CWH43: variants seen among roughly 807,000 people sequenced by gnomAD.
The protein encoded by CWH43 is PGAP2-interacting protein.
A neutral mutation model predicts 85.7 loss-of-function variants in CWH43; 91 were observed. That is an observed-to-expected ratio of 1.06 (90% CI 0.90 to 1.26). The LOEUF is 1.26. CWH43 is among the 50% of genes most tolerant of loss of function. The probability of loss-of-function intolerance (pLI) is 0.00; values close to 1 mark genes in which losing one functional copy is unlikely to be tolerated. For missense variants in CWH43, 869 were observed against 839.2 expected (o/e 1.04, Z -0.44); for synonymous variants, 323 against 293.6 (o/e 1.10, Z -1.02).
chr4:49,023,670 C>T (rs915398055), intron 9 of CWH43, among the ~76,000 whole-genome samples: 1 of 152,206 alleles, frequency 6.6e-6, no homozygotes, highest in African/African-American at 2.4e-5. Context: ...AGCCACTGCA[C>T]CCGGTTGATT....
At chr4:48,987,984 A>G (rs1011345433) in intron 1 of CWH43, among the ~76,000 whole-genome samples, 4 of 152,180 alleles carry the variant, frequency 2.6e-5, no homozygotes, top group Admixed American at 1.3e-4. Context: ...ACGGGATGCC[A>G]AATTCAACTC....
intron 15 of CWH43, 125 bp from the exon 16 acceptor site, chr4:49,061,687 T>G: frequency 1.2e-6 from 1 of 848,618 alleles, no homozygotes. Context: ...CTTTCCTATA[T>G]GCATGAATCT....
intron 9 of CWH43, among the ~76,000 whole-genome samples, chr4:49,019,080 C>G (rs1445666740): frequency 6.6e-6 from 1 of 152,132 alleles, no homozygotes; most frequent in East Asian, 1.9e-4. Flanking sequence ...CTAATGATTA[C>G]CAAATGTTTC....
intron 14 of CWH43, among the ~76,000 whole-genome samples, chr4:49,049,624 T>C (rs1784735860): frequency 6.6e-6 from 1 of 152,102 alleles, no homozygotes. Context: ...TCTTATGCAC[T>C]TCACTCCGGT....
rs372335785 is a variant in CWH43 at position 49,051,782 on chromosome 4, G to A, written c.2021+933G>A. ...AGTAAAGACAGGGTTTCACTATATT[G>A]GTCAGGCTGGTCTCGAAAGCCTGAC... is the stretch of plus-strand genomic sequence containing the variant. On this transcript the variant is annotated intron_variant, in intron 15 of 15. Transcript: ENST00000226432. 1.4e-4 allele frequency among the ~76,000 whole-genome samples: 22 copies of A among 152,158 alleles called. 1 individual carries two copies. In the East Asian group the frequency reaches 2.5e-3, roughly 17 times the overall value.
At chr4:49,050,880 T>C in intron 15 of CWH43, 31 bp downstream of exon 15, 1 of 1,538,248 alleles carries the variant, frequency 6.5e-7, no homozygotes, top group South Asian at 1.2e-5. Flanking sequence ...GTTCCAGTTA[T>C]GAGCTACTGC....
chr4:48,993,354 C>T (rs1015015008), intron 4 of CWH43, among the ~76,000 whole-genome samples: 1 of 152,168 alleles, frequency 6.6e-6, no homozygotes, highest in Non-Finnish European at 1.5e-5. Flanking sequence ...AGACCCCTGG[C>T]CTCCCTTCTG....
At chr4:48,998,082 T>C (rs1399307156) in intron 5 of CWH43, among the ~76,000 whole-genome samples, 1 of 152,150 alleles carries the variant, frequency 6.6e-6, no homozygotes, top group South Asian at 2.1e-4. Flanking sequence ...AAGAGCAGTA[T>C]TGAGGTAGAG....
At chr4:49,005,110 T>C (rs1783114078) in intron 7 of CWH43, among the ~76,000 whole-genome samples, 1 of 152,204 alleles carries the variant, frequency 6.6e-6, no homozygotes, top group Non-Finnish European at 1.5e-5. Flanking sequence ...ATTAAAAATA[T>C]TAACACGATT....
chr4:49,006,488 A>G (rs1783161558), intron 7 of CWH43, among the ~76,000 whole-genome samples: 1 of 152,140 alleles, frequency 6.6e-6, no homozygotes, highest in Non-Finnish European at 1.5e-5. Context: ...TCCTCCTGCT[A>G]TTTCCTGGAA....
intron 14 of CWH43, among the ~76,000 whole-genome samples, chr4:49,046,973 C>G (rs1390044667): frequency 6.6e-6 from 1 of 152,132 alleles, no homozygotes; most frequent in African/African-American, 2.4e-5. Flanking sequence ...GTGGGGAGCC[C>G]TGGTGTGGGC....
chr4:49,044,245 C>T (rs551174175), intron 13 of CWH43, among the ~76,000 whole-genome samples: 68 of 152,262 alleles, frequency 4.5e-4, no homozygotes, highest in African/African-American at 1.6e-3. Context: ...TGATTGCTCC[C>T]CAGATGTTCT....
At position 49,044,739 on chromosome 4, in the gene CWH43, G is replaced by A. The variant is rs548695814; in HGVS notation, c.1804-47G>A. ...ACATTTTTTGGCAATGTGGAATAGA[G>A]CTTTGCTTTTTATGCTTTAAACATT... is the stretch of plus-strand genomic sequence containing the variant. On this transcript the variant is annotated intron_variant, in intron 13 of 15. Transcript: ENST00000226432. The A allele has an allele frequency of 4.7e-5, 71 of 1,512,146 alleles. 1 individual carries two copies. In the South Asian group the frequency reaches 7.3e-4, roughly 16 times the overall value. The allele number at this position is 1,512,146 out of a possible 1,614,324, so 93.7% of individuals were successfully genotyped here.
At chr4:49,006,612 A>T (rs1050630689) in intron 7 of CWH43, among the ~76,000 whole-genome samples, 5 of 152,064 alleles carry the variant, frequency 3.3e-5, no homozygotes, top group African/African-American at 4.8e-5. Flanking sequence ...CTTAGTATGT[A>T]TGGTTTTAGA....
At chr4:49,044,132 A>G (rs2109829540) in intron 13 of CWH43, among the ~76,000 whole-genome samples, 1 of 152,298 alleles carries the variant, frequency 6.6e-6, no homozygotes, top group Middle Eastern at 3.4e-3. Flanking sequence ...AACACCTCAT[A>G]TTTATAGTTT....
chr4:49,007,839 T>C (rs1371036066), intron 8 of CWH43, among the ~76,000 whole-genome samples: 10 of 152,234 alleles, frequency 6.6e-5, no homozygotes, highest in Non-Finnish European at 1.3e-4. Flanking sequence ...CCATGGTGTA[T>C]ATGTGCCACA....
rs200892091 is a variant in CWH43 at position 49,050,733 on chromosome 4, T to A, written c.1905T>A (p.Asp635Glu). 1 of 1,613,234 alleles carries A rather than the reference T, an allele frequency of 6.2e-7. No homozygotes were observed. The highest frequency in any genetic ancestry group is 1.7e-5 in the Admixed American group (1 of 59,978). The change falls in exon 15 of 16, where the codon GAT (aspartate) becomes GAA (glutamate). Residue 635 changes from aspartate to glutamate, a missense_variant. Physicochemically the swap from Asp to Glu is conservative, Grantham distance 45 (BLOSUM62 2). This residue lies in a region of CWH43 where 577 missense variants were observed against 513.1 expected (regional missense o/e 1.12). Transcript: ENST00000226432. ...GAATCTCCCATGCTGAACTGAGTGATTCAGAAATTCAGATGGCAAAATTTA... is the reference window on the plus strand; with the variant it reads ...GAATCTCCCATGCTGAACTGAGTGAATCAGAAATTCAGATGGCAAAATTTA... ...YARISHAELS[D>E]SEIQMAKFRI...
chr4:49,012,683 T>C (rs531134281), intron 8 of CWH43, among the ~76,000 whole-genome samples: 1 of 152,346 alleles, frequency 6.6e-6, no homozygotes, highest in East Asian at 1.9e-4. Context: ...TTGTTGATGC[T>C]GATGCTATTC....
At chr4:49,003,473 C>A (rs1005371896) in intron 6 of CWH43, 3 of 401,248 alleles carry the variant, frequency 7.5e-6, no homozygotes, top group African/African-American at 4.1e-5. Flanking sequence ...CTAAAAATAC[C>A]CTTTTCACTC....
Sources: allele counts gnomAD v4.1 joint callset (sites outside exome capture counted in the v4.1 genomes callset), GRCh38; gene constraint gnomAD v4.1.1; regional missense constraint gnomAD v4.1.1; transcripts MANE v1.5; gene names NCBI Gene and HGNC (gene_info 2026-07-23, HGNC 2026-07-21).